Variants in SLC24A3 observed in about 807,000 individuals in gnomAD.
The protein encoded by SLC24A3 is sodium/potassium/calcium exchanger 3.
In SLC24A3, 28 loss-of-function variants were observed where a neutral mutation model predicts 75.8. The observed-to-expected ratio is 0.37, with a 90% CI of 0.27 to 0.51. SLC24A3 has a LOEUF of 0.51. Among genes scored for constraint, SLC24A3 ranks in the 20% least tolerant of loss-of-function variants. SLC24A3 has a pLI of 0.94. For synonymous variants in SLC24A3, 372 were observed against 334.1 expected (o/e 1.11, Z -1.24); for missense variants, 663 against 847.8 (o/e 0.78, Z 2.71).
chr20:19,498,559 T>A (rs1988332386), intron 2 of SLC24A3, among the ~76,000 whole-genome samples: 1 of 152,218 alleles, frequency 6.6e-6, no homozygotes, highest in Non-Finnish European at 1.5e-5. Context: ...TGCTGGCTCA[T>A]GCTGACACCT....
intron 6 of SLC24A3, among the ~76,000 whole-genome samples, chr20:19,637,891 C>G (rs1472919743): frequency 6.6e-6 from 1 of 152,164 alleles, no homozygotes; most frequent in Non-Finnish European, 1.5e-5. Context: ...ATAATTATAA[C>G]TATCAAATAG....
intron 3 of SLC24A3, among the ~76,000 whole-genome samples, chr20:19,541,998 A>G (rs111853192): frequency 2.2e-3 from 336 of 152,330 alleles, no homozygotes; most frequent in Non-Finnish European, 3.3e-3. Context: ...AACCAACGCA[A>G]TACCAAATGA....
At chr20:19,268,760 T>C (rs1983240996) in intron 1 of SLC24A3, among the ~76,000 whole-genome samples, 1 of 152,220 alleles carries the variant, frequency 6.6e-6, no homozygotes, top group Admixed American at 6.5e-5. Context: ...AAGATCACTA[T>C]ACCAAGTCAC....
At chr20:19,377,104 G>A (rs1986096580) in intron 2 of SLC24A3, among the ~76,000 whole-genome samples, 2 of 152,142 alleles carry the variant, frequency 1.3e-5, no homozygotes. Context: ...TTTATTAGTT[G>A]GAGTGTGTAC....
intron 2 of SLC24A3, among the ~76,000 whole-genome samples, chr20:19,375,095 C>T (rs1325751258): frequency 1.3e-5 from 2 of 152,162 alleles, no homozygotes; most frequent in Non-Finnish European, 2.9e-5. Context: ...CCTCACTCCC[C>T]AGCTGGCCCT....
intron 2 of SLC24A3, among the ~76,000 whole-genome samples, chr20:19,356,852 T>TTAATAATAATAATAA (rs11275262): frequency 0.031 from 4,666 of 149,820 alleles, 230 homozygotes; most frequent in African/African-American, 0.1. Flanking sequence ...AGACTTTGCA[T>TTAATAATAATAATAA]TAATAATAAT....
chr20:19,447,163 C>G (rs1535019), intron 2 of SLC24A3, among the ~76,000 whole-genome samples: 60,089 of 152,044 alleles, frequency 0.4, 12,068 homozygotes, highest in East Asian at 0.46. Flanking sequence ...GCCTCAGATT[C>G]TTTATCTGTG....
At chr20:19,299,710 T>C (rs750178196) in intron 2 of SLC24A3, among the ~76,000 whole-genome samples, 9 of 152,138 alleles carry the variant, frequency 5.9e-5, no homozygotes, top group South Asian at 2.1e-4. Flanking sequence ...TTAGGAGATA[T>C]GGTATCAGCA....
At chr20:19,228,750 A>G (rs1981938024) in intron 1 of SLC24A3, among the ~76,000 whole-genome samples, 1 of 152,162 alleles carries the variant, frequency 6.6e-6, no homozygotes, top group Non-Finnish European at 1.5e-5. Flanking sequence ...TATCCTTACT[A>G]AAGCACTTCT....
At chr20:19,328,298 T>G (rs1478880703) in intron 2 of SLC24A3, among the ~76,000 whole-genome samples, 1 of 152,150 alleles carries the variant, frequency 6.6e-6, no homozygotes, top group Non-Finnish European at 1.5e-5. Flanking sequence ...GGTGGAGGTC[T>G]TCTGCATTCA....
At chr20:19,664,183 C>G (rs543944712) in intron 7 of SLC24A3, among the ~76,000 whole-genome samples, 78 of 152,276 alleles carry the variant, frequency 5.1e-4, no homozygotes, top group African/African-American at 1.6e-3. Context: ...AAAATGTTTT[C>G]TATCTTAAAT....
chr20:19,321,849 A>G (rs1362492888), intron 2 of SLC24A3, among the ~76,000 whole-genome samples: 1 of 152,188 alleles, frequency 6.6e-6, no homozygotes, highest in East Asian at 1.9e-4. Flanking sequence ...TAAATCTAGA[A>G]TCTAGCCAAG....
intron 1 of SLC24A3, among the ~76,000 whole-genome samples, chr20:19,235,646 G>C (rs1982145001): frequency 6.6e-6 from 1 of 152,086 alleles, no homozygotes; most frequent in African/African-American, 2.4e-5. Flanking sequence ...GCACCTTCTG[G>C]CTTCTTACCT....
Position 19,511,485 on chromosome 20 carries a change from G to A in SLC24A3, c.272-4003G>A, listed in dbSNP as rs554631097. On this transcript the variant is annotated intron_variant, in intron 2 of 16. Transcript: ENST00000328041. ...TGGGACTACAGGCGCCCGCCACCAC[G>A]CCCGGCTAATTTTTTGTATTTTTAG... is the stretch of plus-strand genomic sequence containing the variant. Among the ~76,000 whole-genome samples, 12 of 152,122 alleles carry A rather than the reference G, an allele frequency of 7.9e-5. No individual in the cohort carries two copies. In the East Asian group the frequency reaches 2.3e-3, roughly 30 times the overall value.
chr20:19,626,133 T>C (rs2031863653), intron 6 of SLC24A3, among the ~76,000 whole-genome samples: 1 of 152,184 alleles, frequency 6.6e-6, no homozygotes, highest in African/African-American at 2.4e-5. Context: ...CTTACAGTAG[T>C]CACTAAGTCC....
chr20:19,515,428 C>A, intron 2 of SLC24A3, 60 bp from the exon 3 acceptor site: 1 of 1,516,106 alleles, frequency 6.6e-7, no homozygotes, highest in Non-Finnish European at 9.2e-7. Context: ...GACTCCCAGA[C>A]CTACAGCACT....
At chr20:19,569,494 T>G (rs757660200) in intron 3 of SLC24A3, among the ~76,000 whole-genome samples, 2 of 152,118 alleles carry the variant, frequency 1.3e-5, no homozygotes, top group Non-Finnish European at 2.9e-5. Flanking sequence ...TGGGAGGTTA[T>G]TCTCTGCTCC....
chr20:19,682,073 C>A, intron 10 of SLC24A3, 82 bp downstream of exon 10: 3 of 1,445,112 alleles, frequency 2.1e-6, no homozygotes, highest in Non-Finnish European at 2.9e-6. Flanking sequence ...GCCAACATGG[C>A]AAATCCCCAT....
intron 6 of SLC24A3, among the ~76,000 whole-genome samples, chr20:19,612,366 G>T (rs558110648): frequency 1.3e-5 from 2 of 152,296 alleles, no homozygotes; most frequent in Admixed American, 1.3e-4. Context: ...GGCGAATATG[G>T]TTGACAGTGA....
Sources: gnomAD v4.1 joint callset for allele counts (sites outside exome capture counted in the v4.1 genomes callset) on GRCh38, gnomAD v4.1.1 for gene constraint, MANE v1.5 for transcripts, NCBI Gene and HGNC (gene_info 2026-07-23, HGNC 2026-07-21) for gene names.